CPQ: variants seen among roughly 807,000 people sequenced by gnomAD.
CPQ encodes Ser-Met dipeptidase.
A neutral mutation model predicts 45.7 loss-of-function variants in CPQ; 37 were observed. That is an observed-to-expected ratio of 0.81 (90% CI 0.62 to 1.07). The LOEUF (loss-of-function observed/expected upper bound fraction) is 1.07. CPQ is among the 50% of genes least tolerant of loss of function. CPQ has a pLI of 0.00. For synonymous variants in CPQ, 186 were observed against 205.8 expected (o/e 0.90, Z 0.82); for missense variants, 537 against 572.9 (o/e 0.94, Z 0.64).
chr8:96,784,783 C>G, intron 1 of CPQ, 81 bp from the exon 2 acceptor site: 2 of 1,024,844 alleles, frequency 2.0e-6, no homozygotes, highest in Non-Finnish European at 2.8e-6. Flanking sequence ...GGGAATGCTG[C>G]TTGAAAAGCA....
At chr8:96,963,824 C>T (rs193042662) in intron 4 of CPQ, among the ~76,000 whole-genome samples, 2 of 152,220 alleles carry the variant, frequency 1.3e-5, no homozygotes, top group East Asian at 1.9e-4. Flanking sequence ...TCCTCTACCC[C>T]CTTTTTGTCA....
At chr8:97,068,959 G>A (rs1174807288) in intron 7 of CPQ, among the ~76,000 whole-genome samples, 2 of 152,322 alleles carry the variant, frequency 1.3e-5, no homozygotes, top group East Asian at 1.9e-4. Context: ...ATCTCCGGCA[G>A]TGTCTAAAAT....
chr8:96,652,169 G>A (rs963641594), intron 1 of CPQ, among the ~76,000 whole-genome samples: 44 of 152,046 alleles, frequency 2.9e-4, no homozygotes, highest in African/African-American at 1.1e-3. Context: ...TCTACTCTAC[G>A]CTTCTTAGTT....
At position 96,788,649 on chromosome 8, in the gene CPQ, A is replaced by G. The variant is rs539868406; in HGVS notation, c.433+3319A>G. 2.3e-3 allele frequency among the ~76,000 whole-genome samples: 348 copies of G among 152,050 alleles called. 4 individuals are homozygous for G. Among genetic ancestry groups the G allele is most frequent in the African/African-American group, 8.2e-3 (340 of 41,522 alleles). On this transcript the variant is annotated intron_variant, in intron 2 of 7. Transcript: ENST00000220763. ...ACTTGGAGGTTGTTGATTTTCTTGC[A>G]TGTGTAGATTGAAGTTTTTCATCAA...
chr8:97,000,896 G>A (rs1407618699), intron 5 of CPQ, among the ~76,000 whole-genome samples: 1 of 152,078 alleles, frequency 6.6e-6, no homozygotes, highest in Non-Finnish European at 1.5e-5. Context: ...CCATTTGTTT[G>A]TATCATCTCT....
intron 3 of CPQ, among the ~76,000 whole-genome samples, chr8:96,860,040 A>G (rs1811905923): frequency 6.6e-6 from 1 of 152,122 alleles, no homozygotes; most frequent in African/African-American, 2.4e-5. Context: ...CTCTGATCTT[A>G]TAGGTTGGCC....
At chr8:97,044,341 C>T (rs1164890198) in intron 6 of CPQ, among the ~76,000 whole-genome samples, 1 of 152,146 alleles carries the variant, frequency 6.6e-6, no homozygotes, top group African/African-American at 2.4e-5. Context: ...CCATCAGCTC[C>T]TTTAAGCACT....
intron 2 of CPQ, among the ~76,000 whole-genome samples, chr8:96,785,822 C>A (rs1314348565): frequency 6.6e-6 from 1 of 152,004 alleles, no homozygotes; most frequent in Non-Finnish European, 1.5e-5. Flanking sequence ...TTATAAGCAC[C>A]CTGGATCAGC....
rs566961450 is a variant in CPQ at position 97,082,177 on chromosome 8, A to G, written c.1255+15967A>G. On this transcript the variant is annotated intron_variant, in intron 7 of 7. Transcript: ENST00000220763. ...GCATTTGAATGCTGTTAGGACACATATTCTCTCTCTCTTTCTCTCTCTGGG... is the reference window on the plus strand; with the variant it reads ...GCATTTGAATGCTGTTAGGACACATGTTCTCTCTCTCTTTCTCTCTCTGGG... 6.6e-5 allele frequency among the ~76,000 whole-genome samples: 10 copies of G among 152,226 alleles called. No individual in the cohort carries two copies. The East Asian group carries it at 1.4e-3, about 21-fold the overall frequency.
chr8:96,931,464 G>A (rs1046265791), intron 4 of CPQ, among the ~76,000 whole-genome samples: 2 of 151,946 alleles, frequency 1.3e-5, no homozygotes, highest in African/African-American at 4.8e-5. Context: ...ACTTTCTTTT[G>A]CTCCTGTTTC....
At chr8:96,667,934 T>C (rs1341033928) in intron 1 of CPQ, among the ~76,000 whole-genome samples, 1 of 152,208 alleles carries the variant, frequency 6.6e-6, no homozygotes, top group East Asian at 1.9e-4. Flanking sequence ...CACAATATGT[T>C]TGATGCTTCT....
chr8:97,041,529 G>A (rs1356677156), intron 6 of CPQ, among the ~76,000 whole-genome samples: 2 of 152,216 alleles, frequency 1.3e-5, no homozygotes, highest in African/African-American at 4.8e-5. Context: ...ATGCTGAATA[G>A]GAGTGGTGAG....
At chr8:96,700,810 G>A (rs1222424928) in intron 1 of CPQ, among the ~76,000 whole-genome samples, 2 of 152,208 alleles carry the variant, frequency 1.3e-5, no homozygotes, top group African/African-American at 2.4e-5. Flanking sequence ...CCTGAAGGAT[G>A]GAGGGAGAAG....
chr8:97,024,262 G>C (rs1396838993), intron 5 of CPQ, among the ~76,000 whole-genome samples: 3 of 152,046 alleles, frequency 2.0e-5, no homozygotes, highest in African/African-American at 7.2e-5. Context: ...CCTCCAGTTC[G>C]AGGAAACGGG....
At chr8:96,943,628 T>C (rs1211250751) in intron 4 of CPQ, among the ~76,000 whole-genome samples, 2 of 152,118 alleles carry the variant, frequency 1.3e-5, no homozygotes, top group African/African-American at 4.8e-5. Flanking sequence ...TAAGTTAAAA[T>C]GAAATAATGG....
In CPQ at chr8:97,029,607, C is replaced by A. The variant is rs560665818; in HGVS notation, c.1053+113C>A. On this transcript the variant is annotated intron_variant, in intron 6 of 7. Transcript: ENST00000220763. ...TTTCTGGTCAACTGGCCCTAGGAAACACCCTTGTATGAGCCTTCTCCCTCC... is the reference window on the plus strand; with the variant it reads ...TTTCTGGTCAACTGGCCCTAGGAAAAACCCTTGTATGAGCCTTCTCCCTCC... 6 of 924,476 alleles carry A rather than the reference C, an allele frequency of 6.5e-6. No homozygotes were observed. In the South Asian group the frequency reaches 8.9e-5, roughly 14 times the overall value. The allele number at this position is 924,476 out of a possible 1,614,324, so 57.3% of individuals were successfully genotyped here.
chr8:96,858,968 A>G (rs113163492), intron 3 of CPQ, among the ~76,000 whole-genome samples: 6 of 152,298 alleles, frequency 3.9e-5, no homozygotes, highest in African/African-American at 9.6e-5. Context: ...ATCAGTGCAT[A>G]TAGCACTACT....
At chr8:97,037,351 G>T (rs548537900) in intron 6 of CPQ, among the ~76,000 whole-genome samples, 1 of 152,288 alleles carries the variant, frequency 6.6e-6, no homozygotes, top group South Asian at 2.1e-4. Context: ...TACTCATGTT[G>T]AGCTCTGGTT....
rs1440981414 is a variant in CPQ at position 96,784,768 on chromosome 8, G to C, written c.-34-96G>C. 3.0e-5 allele frequency: 25 copies of C among 844,556 alleles called. No homozygotes were observed. In the East Asian group the frequency reaches 5.1e-4, roughly 17 times the overall value. 52.3% of individuals were successfully genotyped at this position (844,556 alleles called of 1,614,324 possible). ...TGGATGTTGGGCAGTGGTTGGGAAG[G>C]GAAGGGGAATGCTGCTTGAAAAGCA... On this transcript the variant is annotated intron_variant, in intron 1 of 7. Transcript: ENST00000220763.
Sources: allele counts gnomAD v4.1 joint callset (sites outside exome capture counted in the v4.1 genomes callset), GRCh38; gene constraint gnomAD v4.1.1; transcripts MANE v1.5; gene names NCBI Gene and HGNC (gene_info 2026-07-23, HGNC 2026-07-21).